SNTB1: variants seen among roughly 807,000 people sequenced by gnomAD.
SNTB1 encodes the protein syntrophin beta 1.
SNTB1 carries 36 observed loss-of-function variants against 48.9 expected under a neutral mutation model. The observed-to-expected ratio is 0.74, with a 90% CI of 0.56 to 0.97. The LOEUF (loss-of-function observed/expected upper bound fraction) is 0.97, where lower values mean the gene tolerates loss of function less well. SNTB1 is among the 50% of genes least tolerant of loss of function. SNTB1 has a pLI of 0.00. For synonymous variants in SNTB1, 299 were observed against 294.6 expected (o/e 1.01, Z -0.15); for missense variants, 786 against 703.4 (o/e 1.12, Z -1.33).
At chr8:120,574,628 G>A (rs893162154) in intron 4 of SNTB1, among the ~76,000 whole-genome samples, 4 of 152,172 alleles carry the variant, frequency 2.6e-5, no homozygotes, top group South Asian at 2.1e-4. Context: ...CACAGGAAGC[G>A]TCATGGAACT....
At chr8:120,619,186 CT>C (rs970934548) in intron 3 of SNTB1, among the ~76,000 whole-genome samples, 1 of 151,830 alleles carries the variant, frequency 6.6e-6, no homozygotes, top group African/African-American at 2.4e-5. Flanking sequence ...TTAAAATTGC[CT>C]TTTAAAATCA....
intron 1 of SNTB1, among the ~76,000 whole-genome samples, chr8:120,797,546 C>CTT (rs60374035): frequency 0.031 from 2,155 of 69,100 alleles, 416 homozygotes; most frequent in African/African-American, 0.051. Context: ...ACTTGTTTCT[C>CTT]TTTTTTTTTT....
intron 1 of SNTB1, among the ~76,000 whole-genome samples, chr8:120,806,024 A>G (rs947898708): frequency 2.6e-5 from 4 of 152,232 alleles, no homozygotes; most frequent in African/African-American, 9.6e-5. Context: ...TTAAAACAGC[A>G]TGTGGCACAA....
chr8:120,771,681 C>T (rs550229298), intron 1 of SNTB1, among the ~76,000 whole-genome samples: 3 of 150,474 alleles, frequency 2.0e-5, no homozygotes, highest in South Asian at 4.2e-4. Context: ...GAAACCATGC[C>T]TCTTTTTTTT....
intron 2 of SNTB1, among the ~76,000 whole-genome samples, chr8:120,654,420 T>G (rs1459474051): frequency 2.6e-5 from 4 of 152,186 alleles, no homozygotes; most frequent in Non-Finnish European, 5.9e-5. Context: ...GCTTGATGAA[T>G]TGTGTTTATC....
intron 2 of SNTB1, among the ~76,000 whole-genome samples, chr8:120,693,019 G>A (rs530942886): frequency 5.9e-5 from 9 of 152,278 alleles, no homozygotes; most frequent in African/African-American, 2.2e-4. Flanking sequence ...GAGGGCTTCA[G>A]GGAGATTCCA....
intron 3 of SNTB1, among the ~76,000 whole-genome samples, chr8:120,579,934 A>G (rs1378667843): frequency 3.9e-5 from 6 of 152,210 alleles, no homozygotes; most frequent in Admixed American, 3.9e-4. Context: ...TATTAAGGAG[A>G]GTGCACATCA....
intron 1 of SNTB1, among the ~76,000 whole-genome samples, chr8:120,784,256 A>T (rs985492693): frequency 1.3e-5 from 2 of 152,050 alleles, no homozygotes; most frequent in Non-Finnish European, 2.9e-5. Flanking sequence ...GGCCTCCCAA[A>T]GTGCTGGGAT....
Position 120,632,652 on chromosome 8 carries a change from C to T in SNTB1, c.789-1G>A. 6.2e-7 allele frequency: 1 copy of T among 1,613,920 alleles called. No homozygotes were observed. ...ATCTGGAGAGTGGATTTCAAGCTGC[C>T]TAGAGGAGCACAGAGAGAAGGGTTA... On this transcript the variant is annotated splice_acceptor_variant, in intron 2 of 6. Coordinates refer to ENST00000517992, the MANE Select transcript of SNTB1 (RefSeq NM_021021.4). LOFTEE classifies it high-confidence loss of function.
chr8:120,682,880 GTTT>G (rs759021409), intron 2 of SNTB1, among the ~76,000 whole-genome samples: 1 of 127,400 alleles, frequency 7.8e-6, no homozygotes, highest in African/African-American at 3.1e-5. Context: ...TTTGTTTTTA[GTTT>G]TTTTTTTTTT....
chr8:120,627,664 T>G (rs1021615006), intron 3 of SNTB1, among the ~76,000 whole-genome samples: 2 of 152,156 alleles, frequency 1.3e-5, no homozygotes, highest in African/African-American at 4.8e-5. Context: ...CCGGCCTAGG[T>G]ATACAAATTT....
intron 1 of SNTB1, among the ~76,000 whole-genome samples, chr8:120,752,316 A>G (rs1819233431): frequency 3.9e-5 from 6 of 152,142 alleles, no homozygotes; most frequent in Admixed American, 3.9e-4. Context: ...CCTATTATAT[A>G]TGTAATATTT....
intron 1 of SNTB1, among the ~76,000 whole-genome samples, chr8:120,778,100 T>C (rs1819766913): frequency 6.6e-6 from 1 of 152,238 alleles, no homozygotes; most frequent in Admixed American, 6.5e-5. Flanking sequence ...CTAGTTGAAC[T>C]GCAATAATTG....
chr8:120,753,688 TC>T (rs1819261435), intron 1 of SNTB1, among the ~76,000 whole-genome samples: 1 of 152,126 alleles, frequency 6.6e-6, no homozygotes, highest in Non-Finnish European at 1.5e-5. Context: ...CAGAGAAGCA[TC>T]AGGTGTGTGC....
intron 1 of SNTB1, among the ~76,000 whole-genome samples, chr8:120,697,427 G>A (rs1395675223): frequency 6.6e-6 from 1 of 152,180 alleles, no homozygotes; most frequent in African/African-American, 2.4e-5. Flanking sequence ...GAACAGTGCT[G>A]TCCATGAGGT....
intron 1 of SNTB1, among the ~76,000 whole-genome samples, chr8:120,694,694 T>A (rs574808136): frequency 1.1e-4 from 17 of 152,078 alleles, no homozygotes; most frequent in African/African-American, 4.1e-4. Flanking sequence ...TACTATAATA[T>A]CTTTGTATAT....
At chr8:120,786,086 G>A (rs538952129) in intron 1 of SNTB1, among the ~76,000 whole-genome samples, 18 of 152,312 alleles carry the variant, frequency 1.2e-4, no homozygotes, top group African/African-American at 4.1e-4. Flanking sequence ...CGCAGTACCT[G>A]CTGCTGGGAG....
chr8:120,789,103 C>A (rs1819977488), intron 1 of SNTB1, among the ~76,000 whole-genome samples: 1 of 151,880 alleles, frequency 6.6e-6, no homozygotes, highest in Non-Finnish European at 1.5e-5. Flanking sequence ...TCAAACCATA[C>A]AAATACATAG....
At chr8:120,657,190 T>A in intron 2 of SNTB1, among the ~76,000 whole-genome samples, 1 of 152,226 alleles carries the variant, frequency 6.6e-6, no homozygotes, top group Admixed American at 6.5e-5. Flanking sequence ...ATCTTTCCAA[T>A]AATTGAAGTT....
Sources: allele counts gnomAD v4.1 joint callset (sites outside exome capture counted in the v4.1 genomes callset), GRCh38; gene constraint gnomAD v4.1.1; transcripts MANE v1.5; gene names NCBI Gene and HGNC (gene_info 2026-07-23, HGNC 2026-07-21).